Variants in STK3 observed in about 807,000 individuals in gnomAD.
The protein encoded by STK3 is serine/threonine kinase 3, also known as serine/threonine-protein kinase 3.
In STK3, 41 loss-of-function variants were observed where a neutral mutation model predicts 58.0. The observed-to-expected ratio is 0.71, with a 90% confidence interval of 0.55 to 0.92. The LOEUF is 0.92. STK3 is among the 40% of genes least tolerant of loss of function. The probability of loss-of-function intolerance (pLI) is 0.00; values close to 1 mark genes in which losing one functional copy is unlikely to be tolerated. For synonymous variants in STK3, 170 were observed against 191.0 expected (o/e 0.89, Z 0.91); for missense variants, 479 against 602.7 (o/e 0.79, Z 2.15).
At chr8:98,786,597 T>C (rs1277997344) in intron 1 of STK3, among the ~76,000 whole-genome samples, 4 of 152,136 alleles carry the variant, frequency 2.6e-5, no homozygotes, top group Admixed American at 1.3e-4. Context: ...TAGAGGAAAA[T>C]GAACTTTTAA....
intron 10 of STK3, among the ~76,000 whole-genome samples, chr8:98,458,860 G>C (rs73273980): frequency 0.014 from 2,138 of 152,240 alleles, 49 homozygotes; most frequent in African/African-American, 0.049. Flanking sequence ...CAGTCACATG[G>C]AACTGTGAAT....
intron 2 of STK3, 49 bp from the exon 3 acceptor site, chr8:98,767,420 TAAG>T (rs1831020245): frequency 1.3e-6 from 2 of 1,514,978 alleles, no homozygotes; most frequent in South Asian, 2.6e-5. Context: ...ATCGTAACTA[TAAG>T]ATTAAAAGTC....
At chr8:98,731,442 G>A (rs1451165546) in intron 4 of STK3, among the ~76,000 whole-genome samples, 7 of 152,138 alleles carry the variant, frequency 4.6e-5, no homozygotes, top group Admixed American at 4.6e-4. Context: ...TCAGGGGGCC[G>A]GGCGCAGTGG....
At chr8:98,380,529 T>C (rs1817721512) in intron 1 of STK3, among the ~76,000 whole-genome samples, 1 of 152,236 alleles carries the variant, frequency 6.6e-6, no homozygotes, top group Non-Finnish European at 1.5e-5. Context: ...AGAATAGATG[T>C]TATTTCGAGG....
the STK3 span, among the ~76,000 whole-genome samples, chr8:98,353,712 T>A: frequency 6.6e-6 from 1 of 152,196 alleles, no homozygotes; most frequent in Non-Finnish European, 1.5e-5. Flanking sequence ...ATTTCCCAAC[T>A]GATAAATGAA....
intron 10 of STK3, 117 bp from the exon 11 acceptor site, chr8:98,456,117 C>A: frequency 9.7e-7 from 1 of 1,029,168 alleles, no homozygotes; most frequent in Non-Finnish European, 1.4e-6. Context: ...TCAGCAAATT[C>A]TTTACATCAT....
intron 10 of STK3, among the ~76,000 whole-genome samples, chr8:98,492,551 A>G (rs1822782199): frequency 6.6e-6 from 1 of 152,198 alleles, no homozygotes; most frequent in Admixed American, 6.6e-5. Context: ...AAAGAAAGGG[A>G]ACAACATTCA....
chr8:98,366,877 G>T (rs190581800), downstream of STK3, among the ~76,000 whole-genome samples: 2 of 152,330 alleles, frequency 1.3e-5, no homozygotes, highest in East Asian at 3.9e-4. Flanking sequence ...CATGCCCACT[G>T]TATGCTAGGC....
At chr8:98,813,923 T>C (rs183167335) in intron 1 of STK3, among the ~76,000 whole-genome samples, 72 of 152,288 alleles carry the variant, frequency 4.7e-4, no homozygotes, top group Admixed American at 1.5e-3. Context: ...AAAATAAAAA[T>C]TAAAAATAAT....
chr8:98,712,066 T>A (rs575381738), intron 4 of STK3, among the ~76,000 whole-genome samples: 3 of 152,256 alleles, frequency 2.0e-5, no homozygotes, highest in East Asian at 1.9e-4. Flanking sequence ...TAAAATACTT[T>A]ACAGACAAGC....
At chr8:98,645,801 T>G (rs892562514) in intron 6 of STK3, among the ~76,000 whole-genome samples, 4 of 151,130 alleles carry the variant, frequency 2.6e-5, no homozygotes, top group Non-Finnish European at 5.9e-5. Context: ...TATATATACA[T>G]ATATAGATAT....
At chr8:98,487,422 A>C (rs1218359020) in intron 10 of STK3, among the ~76,000 whole-genome samples, 1 of 152,166 alleles carries the variant, frequency 6.6e-6, no homozygotes, top group African/African-American at 2.4e-5. Context: ...CACTTAATTC[A>C]CTAGAAAATG....
intron 1 of STK3, among the ~76,000 whole-genome samples, chr8:98,784,792 T>C (rs1832352811): frequency 6.6e-6 from 1 of 151,904 alleles, no homozygotes; most frequent in Non-Finnish European, 1.5e-5. Context: ...GACTAGCAGA[T>C]TGAGTTGCCC....
At chr8:98,679,896 G>C (rs1365032003) in intron 6 of STK3, among the ~76,000 whole-genome samples, 1 of 152,156 alleles carries the variant, frequency 6.6e-6, no homozygotes, top group Non-Finnish European at 1.5e-5. Flanking sequence ...GCCTAAAAGG[G>C]AGCATCTAGG....
At chr8:98,552,440 C>T (rs1429589405) in intron 8 of STK3, among the ~76,000 whole-genome samples, 1 of 152,114 alleles carries the variant, frequency 6.6e-6, no homozygotes, top group Non-Finnish European at 1.5e-5. Context: ...CCAATCCCAT[C>T]TCCTATCACA....
At chr8:98,643,810 A>C (rs547405723) in intron 6 of STK3, among the ~76,000 whole-genome samples, 144 of 152,210 alleles carry the variant, frequency 9.5e-4, no homozygotes, top group African/African-American at 3.2e-3. Context: ...GAAGTTTGAG[A>C]CCAGCCTGGG....
chr8:98,578,951 G>A (rs886980632), intron 8 of STK3, among the ~76,000 whole-genome samples: 2 of 152,082 alleles, frequency 1.3e-5, no homozygotes, highest in African/African-American at 2.4e-5. Flanking sequence ...AGGAGTTTGA[G>A]ACCAGCCTGG....
intron 8 of STK3, among the ~76,000 whole-genome samples, chr8:98,576,216 A>G (rs1025474580): frequency 6.6e-6 from 1 of 152,194 alleles, no homozygotes; most frequent in African/African-American, 2.4e-5. Context: ...CCATAGATTT[A>G]TGGGTTTATT....
chr8:98,873,490 C>T (rs1837455998), intron 3 of STK3, among the ~76,000 whole-genome samples: 1 of 152,134 alleles, frequency 6.6e-6, no homozygotes, highest in Admixed American at 6.5e-5. Flanking sequence ...CTTTGTAGGT[C>T]TCTAAGGACT....
Sources: gnomAD v4.1 joint callset for allele counts (sites outside exome capture counted in the v4.1 genomes callset) on GRCh38, gnomAD v4.1.1 for gene constraint, MANE v1.5 for transcripts, NCBI Gene and HGNC (gene_info 2026-07-23, HGNC 2026-07-21) for gene names.